Variants in STAB2 observed in about 807,000 individuals in gnomAD.
STAB2 encodes the protein stabilin-2.
Under a neutral mutation model 338.1 loss-of-function variants are expected in STAB2, and 288 were observed. That is an observed-to-expected ratio of 0.85 (90% CI 0.77 to 0.94). The LOEUF is 0.94. Among genes scored for constraint, STAB2 ranks in the 40% least tolerant of loss-of-function variants. STAB2 has a pLI of 0.00. For synonymous variants in STAB2, 1,202 were observed against 1,193.3 expected (o/e 1.01, Z -0.15); for missense variants, 3,141 against 3,210.1 (o/e 0.98, Z 0.52).
chr12:103,674,202 C>G (rs1325202853), intron 23 of STAB2, 115 bp downstream of exon 23: 8 of 1,215,556 alleles, frequency 6.6e-6, no homozygotes, highest in Non-Finnish European at 7.9e-6. Flanking sequence ...GAACTCTGAA[C>G]TGAGGCCTGT....
chr12:103,693,982 C>G (rs1878181051), intron 31 of STAB2, among the ~76,000 whole-genome samples: 1 of 149,914 alleles, frequency 6.7e-6, no homozygotes, highest in Non-Finnish European at 1.5e-5. Context: ...GAAGCCCCCT[C>G]TCTACTAAAA....
intron 15 of STAB2, among the ~76,000 whole-genome samples, 180 bp downstream of exon 15, chr12:103,655,761 G>A (rs761643016): frequency 6.6e-6 from 1 of 152,172 alleles, no homozygotes; most frequent in African/African-American, 2.4e-5. Flanking sequence ...AAGCCTGGAT[G>A]TGGCTTCAGT....
intron 43 of STAB2, among the ~76,000 whole-genome samples, chr12:103,716,502 T>C (rs1008637725): frequency 6.6e-6 from 1 of 152,076 alleles, no homozygotes; most frequent in Non-Finnish European, 1.5e-5. Flanking sequence ...ATCACATATA[T>C]CCAAAATTGG....
At chr12:103,726,698 G>C (rs2139061171) in intron 46 of STAB2, among the ~76,000 whole-genome samples, 1 of 152,116 alleles carries the variant, frequency 6.6e-6, no homozygotes, top group South Asian at 2.1e-4. Flanking sequence ...AATTAAGTTT[G>C]ATCTTTCTGC....
intron 6 of STAB2, among the ~76,000 whole-genome samples, chr12:103,635,200 A>G (rs545021263): frequency 1.3e-5 from 2 of 152,346 alleles, no homozygotes; most frequent in Admixed American, 6.5e-5. Flanking sequence ...TATCTCCCTC[A>G]GGAGCAAAGG....
chr12:103,736,758 C>G (rs74841431), intron 52 of STAB2, among the ~76,000 whole-genome samples: 5 of 152,062 alleles, frequency 3.3e-5, no homozygotes, highest in African/African-American at 1.2e-4. Flanking sequence ...TGAGTGAACA[C>G]GCAAGGCTTT....
intron 31 of STAB2, 97 bp downstream of exon 31, chr12:103,692,986 A>C (rs1878085513): frequency 1.1e-6 from 1 of 940,612 alleles, no homozygotes; most frequent in South Asian, 1.7e-5. Flanking sequence ...AAAAATACTT[A>C]GCCTTATATG....
intron 23 of STAB2, among the ~76,000 whole-genome samples, chr12:103,675,171 A>G (rs1039656215): frequency 2.0e-5 from 3 of 152,226 alleles, no homozygotes; most frequent in African/African-American, 7.2e-5. Flanking sequence ...CTGAATTTGC[A>G]GTAAGACCTG....
Position 103,715,824 on chromosome 12 carries a change from C to A in STAB2, c.4547C>A (p.Pro1516Gln), listed in dbSNP as rs141419387. The part of the protein sequence containing the change: ...GDGIVCLEIN[P>Q]CLENHGGCDK... ...GCTTTTTGTTTTAAAGAAATCAACCCGTGTTTGGAGAACCATGGTGGCTGT... is the reference window on the plus strand; with the variant it reads ...GCTTTTTGTTTTAAAGAAATCAACCAGTGTTTGGAGAACCATGGTGGCTGT... The change falls in exon 43 of 69, where the codon CCG becomes CAG. Residue 1516 changes from proline to glutamine, a missense_variant. Transcript: ENST00000388887. 1 of 1,613,928 alleles carries A rather than the reference C, an allele frequency of 6.2e-7. No individual in the cohort carries two copies. The highest frequency in any genetic ancestry group is 8.5e-7 in the Non-Finnish European group (1 of 1,179,938).
chr12:103,760,385 C>T (rs374410743), intron 65 of STAB2, among the ~76,000 whole-genome samples: 25 of 152,284 alleles, frequency 1.6e-4, no homozygotes, highest in African/African-American at 3.1e-4. Flanking sequence ...CTCAGCCTCC[C>T]GCGTAGCTGG....
intron 3 of STAB2, among the ~76,000 whole-genome samples, chr12:103,619,415 A>C (rs781497912): frequency 2.6e-5 from 4 of 152,140 alleles, no homozygotes; most frequent in African/African-American, 7.2e-5. Context: ...TTTCATCCTC[A>C]TCACAATAGT....
intron 3 of STAB2, among the ~76,000 whole-genome samples, chr12:103,616,098 AAAAG>A (rs1382536667): frequency 6.6e-6 from 1 of 152,178 alleles, no homozygotes; most frequent in African/African-American, 2.4e-5. Context: ...TAAATTTTTT[AAAAG>A]AAAGGTATAT....
At chr12:103,617,507 C>T (rs565928718) in intron 3 of STAB2, among the ~76,000 whole-genome samples, 3 of 152,226 alleles carry the variant, frequency 2.0e-5, no homozygotes, top group Non-Finnish European at 4.4e-5. Context: ...AACTGAATCT[C>T]AGAGTCAGGC....
intron 3 of STAB2, among the ~76,000 whole-genome samples, chr12:103,601,274 GA>G (rs575323115): frequency 3.3e-4 from 49 of 147,940 alleles, no homozygotes; most frequent in African/African-American, 4.9e-4. Context: ...CACAAAAGAG[GA>G]AAAAAAAAAG....
chr12:103,654,280 C>A (rs1874007314), intron 12 of STAB2, among the ~76,000 whole-genome samples: 1 of 152,182 alleles, frequency 6.6e-6, no homozygotes, highest in Non-Finnish European at 1.5e-5. Context: ...ATGAAGCTTG[C>A]AGTCTGCTGG....
At chr12:103,684,096 G>A (rs553939244) in intron 26 of STAB2, among the ~76,000 whole-genome samples, 12 of 152,140 alleles carry the variant, frequency 7.9e-5, no homozygotes, top group Admixed American at 2.0e-4. Context: ...GTGACCTCTC[G>A]TTTGACTTCC....
rs1232480276 is a variant in STAB2 at position 103,684,989 on chromosome 12, G to A, written c.2902G>A (p.Ala968Thr). 1.2e-6 allele frequency: 2 copies of A among 1,613,528 alleles called. No homozygotes were observed. The highest frequency in any genetic ancestry group is 1.7e-6 in the Non-Finnish European group (2 of 1,179,708). ...ATTTCTTTCATCTTGGTTTTCTCAG[G>A]CAAGCTGTCAATCTACTTCGTCTGG... The part of the protein sequence containing the change: ...LEQTGKCHPL[A>T]SCQSTSSGVW... Residue 968 changes from alanine (A) to threonine (T), a missense_variant and splice_region_variant, in exon 27 of 69, where the codon GCA (alanine) becomes ACA (threonine). Physicochemically the swap from Ala to Thr is moderately conservative, Grantham distance 58 (BLOSUM62 0). Coordinates refer to ENST00000388887, the MANE Select transcript of STAB2 (RefSeq NM_017564.10).
At chr12:103,670,965 G>A (rs763942315) in intron 22 of STAB2, among the ~76,000 whole-genome samples, 158 bp downstream of exon 22, 1 of 152,168 alleles carries the variant, frequency 6.6e-6, no homozygotes, top group African/African-American at 2.4e-5. Context: ...AAACTGGAGC[G>A]TGTGTCAGAG....
intron 27 of STAB2, among the ~76,000 whole-genome samples, chr12:103,687,298 C>G (rs1010857064): frequency 4.6e-5 from 7 of 151,978 alleles, no homozygotes; most frequent in Non-Finnish European, 8.8e-5. Context: ...AGAAGTGAAC[C>G]CAGTCTTTTT....
Sources: allele counts gnomAD v4.1 joint callset (sites outside exome capture counted in the v4.1 genomes callset), GRCh38; gene constraint gnomAD v4.1.1; transcripts MANE v1.5; gene names NCBI Gene and HGNC (gene_info 2026-07-23, HGNC 2026-07-21).